WNT1: variants seen among roughly 807,000 people sequenced by gnomAD.
The protein encoded by WNT1 is Wnt family member 1, also known as proto-oncogene Wnt-1.
In WNT1, 10 loss-of-function variants were observed where a neutral mutation model predicts 21.3. The ratio of observed to expected loss-of-function variants is 0.47; its 90% CI spans 0.29 to 0.80. The LOEUF is 0.80. Among genes scored for constraint, WNT1 ranks in the 30% least tolerant of loss-of-function variants. WNT1 has a pLI of 0.09. For synonymous variants in WNT1, 208 were observed against 236.3 expected, an observed-to-expected ratio of 0.88 and a Z score of 1.10; for missense variants, 476 against 534.1, an observed-to-expected ratio of 0.89 and a Z score of 1.07.
chr12:48,980,394 C>G lies in WNT1; in HGVS notation c.359-30C>G. 1 of 1,613,838 alleles carries G rather than the reference C, an allele frequency of 6.2e-7. No individual in the cohort carries two copies. The highest frequency in any genetic ancestry group is 8.5e-7 in the Non-Finnish European group (1 of 1,179,880). The stretch of plus-strand genomic sequence containing the variant: ...GTGCTGGCCGCGCCCCGCGTACCCC[C>G]TCGCTGATCCCCGCTCCCTTCTCCC... On this transcript the variant is annotated intron_variant, in intron 2 of 3. Transcript: ENST00000293549. The surrounding 1 kb of genome is among the most constrained non-coding windows in gnomAD (Gnocchi z 7.0).
In WNT1 at chr12:48,978,553, C is replaced by A; in HGVS notation, c.-98C>A. 1 of 881,492 alleles carries A rather than the reference C, an allele frequency of 1.1e-6. No individual in the cohort carries two copies. The highest frequency in any genetic ancestry group is 1.5e-5 in the South Asian group (1 of 68,650). The allele number at this position is 881,492 out of a possible 1,614,324, so 54.6% of individuals were successfully genotyped here. ...GGTTGTTAAAGCCAGACTGCGAACT[C>A]TCGCCACTGCCGCCACCGCCGCGTC... On this transcript the variant is annotated 5_prime_UTR_variant, in exon 1 of 4. Transcript: ENST00000293549. The surrounding 1 kb of genome is among the most constrained non-coding windows in gnomAD (Gnocchi z 7.4).
rs529885239 is a variant in WNT1, at chr12:48,978,498, C to T, written c.-153C>T. The T allele has an allele frequency of 6.4e-6, 4 of 623,622 alleles. No individual in the cohort carries two copies. Among genetic ancestry groups the T allele is most frequent in the East Asian group, 3.0e-5 (1 of 33,896 alleles). 38.6% of individuals were successfully genotyped at this position (623,622 alleles called of 1,614,324 possible). On this transcript the variant is annotated 5_prime_UTR_variant, in exon 1 of 4. Coordinates refer to ENST00000293549, the MANE Select transcript of WNT1 (RefSeq NM_005430.4). This position sits in a 1 kb window ranked among gnomAD's most constrained non-coding sequence, Gnocchi z 7.4. Reference sequence around the variant, plus strand: ...CGCCTCAGCCCACCAGCCGGGACCGCGAGCCATGCTGTCCGCCGCCCGCCC... The same window carrying T: ...CGCCTCAGCCCACCAGCCGGGACCGTGAGCCATGCTGTCCGCCGCCCGCCC...
chr12:48,978,397 CG>C lies in WNT1; in HGVS notation c.-252del. ...ACCGGTGCGCCCTGGTGCCACAGTGCGGCCCGGAGGGGCAGCCTCCTCCCGT... is the reference window on the plus strand; with the variant it reads ...ACCGGTGCGCCCTGGTGCCACAGTGCGCCCGGAGGGGCAGCCTCCTCCCGT... On this transcript the variant is annotated 5_prime_UTR_variant, in exon 1 of 4. Coordinates refer to ENST00000293549, the MANE Select transcript of WNT1 (RefSeq NM_005430.4). The surrounding 1 kb of genome is among the most constrained non-coding windows in gnomAD (Gnocchi z 7.4). 1.9e-6 allele frequency: 1 copy of C among 539,468 alleles called. No individual in the cohort carries two copies. The highest frequency in any genetic ancestry group is 3.3e-6 in the Non-Finnish European group (1 of 303,548). The allele number at this position is 539,468 out of a possible 1,614,324, so 33.4% of individuals were successfully genotyped here. A position where few individuals can be genotyped will look rare whatever the true frequency, so the allele number is the denominator to read the frequency against.
chr12:48,980,135 C>T lies in WNT1; in HGVS notation c.359-289C>T, dbSNP rs2137623950. Among the ~76,000 whole-genome samples the T allele has an allele frequency of 6.6e-6, 1 of 152,336 alleles. No homozygotes were observed. The highest frequency in any genetic ancestry group is 2.4e-5 in the African/African-American group (1 of 41,580). On this transcript the variant is annotated intron_variant, in intron 2 of 3. Transcript: ENST00000293549. This position sits in a 1 kb window ranked among gnomAD's most constrained non-coding sequence, Gnocchi z 7.0. ...GTCTTGGGGATGTATGGTTCTTCCG[C>T]TCCCCTCTCTTCGGTTTGTCTCTCT... is the stretch of plus-strand genomic sequence containing the variant.
chr12:48,979,381 C>T lies in WNT1; in HGVS notation c.105-87C>T. On this transcript the variant is annotated intron_variant, in intron 1 of 3. Transcript: ENST00000293549. This position sits in a 1 kb window ranked among gnomAD's most constrained non-coding sequence, Gnocchi z 6.0. ...TCCCGCCATTCTCTCCAGCCACATA[C>T]CCCCAGGAAGAGGACCGGGTGGCAC... is the stretch of plus-strand genomic sequence containing the variant. 2 of 1,472,302 alleles carry T rather than the reference C, an allele frequency of 1.4e-6. No individual in the cohort carries two copies. The highest frequency in any genetic ancestry group is 1.3e-5 in the South Asian group (1 of 75,456). The allele number at this position is 1,472,302 out of a possible 1,614,324, so 91.2% of individuals were successfully genotyped here.
At position 48,981,188 on chromosome 12, in the gene WNT1, C is replaced by T. The variant is rs761545257; in HGVS notation, c.661C>T (p.His221Tyr). ...CGAGATGCGCCAGGAGTGCAAGTGC[C>T]ACGGGATGTCCGGCTCATGCACGGT... ...FSEMRQECKC[H>Y]GMSGSCTVRT... Residue 221 changes from histidine (H) to tyrosine (Y), a missense_variant, in exon 4 of 4, where the codon CAC becomes TAC. Physicochemically the swap from His to Tyr is moderately conservative, Grantham distance 83. Coordinates refer to ENST00000293549, the MANE Select transcript of WNT1 (RefSeq NM_005430.4). The surrounding 1 kb of genome is among the most constrained non-coding windows in gnomAD (Gnocchi z 7.4). The T allele has an allele frequency of 9.3e-6, 15 of 1,612,434 alleles. No individual in the cohort carries two copies. Among genetic ancestry groups the T allele is most frequent in the Admixed American group, 1.7e-5 (1 of 59,992 alleles).
Position 48,981,333 on chromosome 12 carries a change from C to A in WNT1, c.806C>A (p.Ala269Glu). 1 of 1,564,926 alleles carries A rather than the reference C, an allele frequency of 6.4e-7. No homozygotes were observed. The change falls in exon 4 of 4, where the codon GCG (alanine) becomes GAG (glutamate). Residue 269 changes from alanine to glutamate, a missense_variant. Coordinates refer to ENST00000293549, the MANE Select transcript of WNT1 (RefSeq NM_005430.4). The surrounding 1 kb of genome is among the most constrained non-coding windows in gnomAD (Gnocchi z 7.4). ...GNRGSNRASR[A>E]ELLRLEPEDP... ...CGCGGCAGCAACCGCGCTTCGCGGG[C>A]GGAGCTGCTGCGCCTGGAGCCGGAA...
At position 48,979,999 on chromosome 12, in the gene WNT1, A is replaced by G. The variant is rs1940989144; in HGVS notation, c.358+278A>G. Reference sequence around the variant, plus strand: ...CGCCGGCTGACCGCCGCTTTCCCCCAGCCTCTCTCAAAAGCGCCTGGGAAG... The same window carrying G: ...CGCCGGCTGACCGCCGCTTTCCCCCGGCCTCTCTCAAAAGCGCCTGGGAAG... On this transcript the variant is annotated intron_variant, in intron 2 of 3. Coordinates refer to ENST00000293549, the MANE Select transcript of WNT1 (RefSeq NM_005430.4). This position sits in a 1 kb window ranked among gnomAD's most constrained non-coding sequence, Gnocchi z 6.0. 6.6e-6 allele frequency among the ~76,000 whole-genome samples: 1 copy of G among 152,216 alleles called. No homozygotes were observed. Among genetic ancestry groups the G allele is most frequent in the South Asian group, 2.1e-4 (1 of 4,834 alleles).
rs1941022103 is a variant in WNT1 at position 48,981,942 on chromosome 12, G to A, written c.*302G>A. Among the ~76,000 whole-genome samples the A allele has an allele frequency of 6.6e-6, 1 of 152,136 alleles. No individual in the cohort carries two copies. On this transcript the variant is annotated 3_prime_UTR_variant, in exon 4 of 4. Coordinates refer to ENST00000293549, the MANE Select transcript of WNT1 (RefSeq NM_005430.4). The surrounding 1 kb of genome is among the most constrained non-coding windows in gnomAD (Gnocchi z 7.4). ...TGGCCAGGAGGTGAGAGAAGGATGGGTCCCCTCCGCCATGGGGTCGGCTCC... is the reference window on the plus strand; with the variant it reads ...TGGCCAGGAGGTGAGAGAAGGATGGATCCCCTCCGCCATGGGGTCGGCTCC...
In WNT1 at chr12:48,980,769, A is replaced by G. The variant is rs1042450664; in HGVS notation, c.624+80A>G. 1 of 1,463,790 alleles carries G rather than the reference A, an allele frequency of 6.8e-7. No homozygotes were observed. Among genetic ancestry groups the G allele is most frequent in the Middle Eastern group, 1.8e-4 (1 of 5,528 alleles). 90.7% of individuals were successfully genotyped at this position (1,463,790 alleles called of 1,614,324 possible). On this transcript the variant is annotated intron_variant, in intron 3 of 3. Coordinates refer to ENST00000293549, the MANE Select transcript of WNT1 (RefSeq NM_005430.4). The surrounding 1 kb of genome is among the most constrained non-coding windows in gnomAD (Gnocchi z 7.0). The stretch of plus-strand genomic sequence containing the variant: ...CTGGGGAAGTGACGGTCGGTGAGAT[A>G]AGGCAAGGGGCACCAGGAGAGGGCG...
rs1336077751 is a variant in WNT1, at chr12:48,981,187, C to T, written c.660C>T (p.Cys220=). ...VFSEMRQECK[C]HGMSGSCTVR... Reference sequence around the variant, plus strand: ...CCGAGATGCGCCAGGAGTGCAAGTGCCACGGGATGTCCGGCTCATGCACGG... The same window carrying T: ...CCGAGATGCGCCAGGAGTGCAAGTGTCACGGGATGTCCGGCTCATGCACGG... Residue 220 remains cysteine (C), a synonymous_variant, in exon 4 of 4, where the codon TGC becomes TGT. Transcript: ENST00000293549. This position sits in a 1 kb window ranked among gnomAD's most constrained non-coding sequence, Gnocchi z 7.4. 1 of 1,612,354 alleles carries T rather than the reference C, an allele frequency of 6.2e-7. No homozygotes were observed. The highest frequency in any genetic ancestry group is 8.5e-7 in the Non-Finnish European group (1 of 1,179,624).
In WNT1 at chr12:48,978,588, CG is replaced by C. The variant is rs1940965808; in HGVS notation, c.-62del. ...CCGCCACCGCCGCGTCCCGTCCCACCGTCGCGGGCAACAACCAAAGTCGCCG... is the reference window on the plus strand; with the variant it reads ...CCGCCACCGCCGCGTCCCGTCCCACCTCGCGGGCAACAACCAAAGTCGCCG... On this transcript the variant is annotated 5_prime_UTR_variant, in exon 1 of 4. Transcript: ENST00000293549. This position sits in a 1 kb window ranked among gnomAD's most constrained non-coding sequence, Gnocchi z 7.4. The C allele has an allele frequency of 8.1e-7, 1 of 1,238,064 alleles. No individual in the cohort carries two copies. Among genetic ancestry groups the C allele is most frequent in the South Asian group, 1.3e-5 (1 of 78,000 alleles). The allele number at this position is 1,238,064 out of a possible 1,614,324, so 76.7% of individuals were successfully genotyped here.
At position 48,980,569 on chromosome 12, in the gene WNT1, G is replaced by C. The variant is rs762031536; in HGVS notation, c.504G>C (p.Gly168=). ...CCGGGGGCCCCGACTGGCACTGGGG[G>C]GGCTGCAGCGACAACATTGACTTCG... ...RGPGGPDWHW[G]GCSDNIDFGR... is the part of the protein sequence containing the mutation. Residue 168 remains glycine (G), a synonymous_variant, in exon 3 of 4, where the codon GGG becomes GGC. Transcript: ENST00000293549. The surrounding 1 kb of genome is among the most constrained non-coding windows in gnomAD (Gnocchi z 7.0). The C allele has an allele frequency of 9.9e-6, 16 of 1,609,638 alleles. No homozygotes were observed. In the Admixed American group the frequency reaches 2.0e-4, roughly 20 times the overall value.
At position 48,978,770 on chromosome 12, in the gene WNT1, C is replaced by G. The variant is rs755343363; in HGVS notation, c.104+16C>G. On this transcript the variant is annotated intron_variant, in intron 1 of 3. Coordinates refer to ENST00000293549, the MANE Select transcript of WNT1 (RefSeq NM_005430.4). This position sits in a 1 kb window ranked among gnomAD's most constrained non-coding sequence, Gnocchi z 7.4. ...GCCGATGGTGGTAAGTGAGCTGGTG[C>G]GGGGTCGCCACTTGTCCCGCGGCAC... 6.4e-7 allele frequency: 1 copy of G among 1,557,686 alleles called. No homozygotes were observed. Among genetic ancestry groups the G allele is most frequent in the Non-Finnish European group, 8.7e-7 (1 of 1,146,646 alleles).
Position 48,978,376 on chromosome 12 carries a change from G to T in WNT1, c.-275G>T. The T allele has an allele frequency of 2.0e-6, 1 of 510,206 alleles. No homozygotes were observed. The highest frequency in any genetic ancestry group is 2.2e-5 in the South Asian group (1 of 46,006). 31.6% of individuals were successfully genotyped at this position (510,206 alleles called of 1,614,324 possible). A position where few individuals can be genotyped will look rare whatever the true frequency, so the allele number is the denominator to read the frequency against. On this transcript the variant is annotated 5_prime_UTR_variant, in exon 1 of 4. Transcript: ENST00000293549. This position sits in a 1 kb window ranked among gnomAD's most constrained non-coding sequence, Gnocchi z 7.4. ...TGCCCATTGTCTGCGCCCCTAACCG[G>T]TGCGCCCTGGTGCCACAGTGCGGCC...
At position 48,978,383 on chromosome 12, in the gene WNT1, C is replaced by A; in HGVS notation, c.-268C>A. The A allele has an allele frequency of 1.9e-6, 1 of 523,722 alleles. No homozygotes were observed. Among genetic ancestry groups the A allele is most frequent in the Non-Finnish European group, 3.4e-6 (1 of 294,322 alleles). 32.4% of individuals were successfully genotyped at this position (523,722 alleles called of 1,614,324 possible). A position where few individuals can be genotyped will look rare whatever the true frequency, so the allele number is the denominator to read the frequency against. On this transcript the variant is annotated 5_prime_UTR_variant, in exon 1 of 4. It adds an upstream start codon to the 5' untranslated region. Transcript: ENST00000293549. This position sits in a 1 kb window ranked among gnomAD's most constrained non-coding sequence, Gnocchi z 7.4. ...TGTCTGCGCCCCTAACCGGTGCGCC[C>A]TGGTGCCACAGTGCGGCCCGGAGGG...
At position 48,979,749 on chromosome 12, in the gene WNT1, G is replaced by A. The variant is rs370439750; in HGVS notation, c.358+28G>A. On this transcript the variant is annotated intron_variant, in intron 2 of 3. Transcript: ENST00000293549. The surrounding 1 kb of genome is among the most constrained non-coding windows in gnomAD (Gnocchi z 6.0). ...GGGTGCCCAGGAAGGCGACGCTTCC[G>A]GGAGCAGGGGAAACGCGGGGTCACC... 2.8e-5 allele frequency: 44 copies of A among 1,555,178 alleles called. No homozygotes were observed. The highest frequency in any genetic ancestry group is 3.6e-5 in the South Asian group (3 of 83,688).
Position 48,981,074 on chromosome 12 carries a change from G to A in WNT1, c.625-78G>A. ...TTTGCTGAGGTCCGGCCCCCGTGGC[G>A]TCCGGGAGAGGGCAGTGTCTGGGAG... is the stretch of plus-strand genomic sequence containing the variant. On this transcript the variant is annotated intron_variant, in intron 3 of 3. Coordinates refer to ENST00000293549, the MANE Select transcript of WNT1 (RefSeq NM_005430.4). This position sits in a 1 kb window ranked among gnomAD's most constrained non-coding sequence, Gnocchi z 7.4. The A allele has an allele frequency of 6.4e-7, 1 of 1,555,682 alleles. No homozygotes were observed. Among genetic ancestry groups the A allele is most frequent in the South Asian group, 1.2e-5 (1 of 82,402 alleles).
Position 48,981,428 on chromosome 12 carries a change from T to A in WNT1, c.901T>A (p.Tyr301Asn), listed in dbSNP as rs1285003674. Residue 301 changes from tyrosine to asparagine, a missense_variant, in exon 4 of 4, where the codon TAC becomes AAC. Physicochemically the swap from Tyr to Asn is moderately radical, Grantham distance 143. Transcript: ENST00000293549. The surrounding 1 kb of genome is among the most constrained non-coding windows in gnomAD (Gnocchi z 7.4). Reference protein sequence around the residue: ...YFEKSPNFCTYSGRLGTAGTA... With the variant: ...YFEKSPNFCTNSGRLGTAGTA... ...CGAGAAATCGCCCAACTTCTGCACG[T>A]ACAGCGGACGCCTGGGCACAGCAGG... The A allele has an allele frequency of 1.3e-6, 2 of 1,574,220 alleles. No individual in the cohort carries two copies. The highest frequency in any genetic ancestry group is 4.7e-5 in the East Asian group (2 of 42,654).
Sources: gnomAD v4.1 joint callset for allele counts (sites outside exome capture counted in the v4.1 genomes callset) on GRCh38, gnomAD v4.1.1 for gene constraint, Gnocchi (gnomAD v3.1) non-coding constraint, MANE v1.5 for transcripts, NCBI Gene and HGNC (gene_info 2026-07-23, HGNC 2026-07-21) for gene names.